Variants in MAP3K20 observed in about 807,000 individuals in gnomAD.
The protein encoded by MAP3K20 is mitogen-activated protein kinase kinase kinase 20, also known as HCCS-4.
A neutral mutation model predicts 85.7 loss-of-function variants in MAP3K20; 40 were observed. The ratio of observed to expected loss-of-function variants is 0.47; its 90% CI spans 0.36 to 0.61. MAP3K20 has a LOEUF of 0.61. Ranked by LOEUF, MAP3K20 falls within the 20% of genes least tolerant of loss-of-function variation. The pLI is 0.00. For synonymous variants in MAP3K20, 325 were observed against 327.7 expected (o/e 0.99, Z 0.09); for missense variants, 817 against 961.7 (o/e 0.85, Z 1.99).
intron 2 of MAP3K20, among the ~76,000 whole-genome samples, chr2:173,109,646 A>G (rs572178246): frequency 3.3e-5 from 5 of 152,190 alleles, no homozygotes; most frequent in Non-Finnish European, 7.3e-5. Context: ...AGAGGGAGAT[A>G]GATTCCCCAT....
chr2:173,243,995 AGAGT>A (rs1684859926), intron 16 of MAP3K20, among the ~76,000 whole-genome samples: 1 of 152,200 alleles, frequency 6.6e-6, no homozygotes, highest in Non-Finnish European at 1.5e-5. Context: ...CCGCCAGGCT[AGAGT>A]GAGAAAGATC....
At position 173,229,721 on chromosome 2, in the gene MAP3K20, G is replaced by A. The variant is rs201394695; in HGVS notation, c.1020G>A (p.Thr340=). Residue 340 remains threonine, a synonymous_variant, in exon 12 of 20, where the codon ACG becomes ACA. Coordinates refer to ENST00000375213, the MANE Select transcript of MAP3K20 (RefSeq NM_016653.3). ...CTTCCTTTGAGATTGGTGCATGGAC[G>A]GAAGACGATGTGGTAAGCTCTTTGT... ...LLPSFEIGAW[T]EDDVYCWVQQ... is the part of the protein sequence containing the mutation. The A allele has an allele frequency of 3.2e-5, 51 of 1,613,844 alleles. No homozygotes were observed. In the Middle Eastern group the frequency reaches 4.9e-4, roughly 16 times the overall value.
chr2:173,136,593 C>A (rs1391955827), intron 2 of MAP3K20, among the ~76,000 whole-genome samples: 1 of 152,100 alleles, frequency 6.6e-6, no homozygotes, highest in Non-Finnish European at 1.5e-5. Context: ...AAAGCAAGAT[C>A]TTTTTTCCCC....
intron 3 of MAP3K20, among the ~76,000 whole-genome samples, chr2:173,172,615 A>G (rs993154631): frequency 6.6e-6 from 1 of 152,020 alleles, no homozygotes; most frequent in Non-Finnish European, 1.5e-5. Context: ...AAACTTTTTT[A>G]TCACAGACAT....
intron 2 of MAP3K20, among the ~76,000 whole-genome samples, chr2:173,152,801 A>G (rs1311199053): frequency 6.6e-6 from 1 of 152,234 alleles, no homozygotes; most frequent in Non-Finnish European, 1.5e-5. Flanking sequence ...TAGAAGTAGA[A>G]TAGGCTATTT....
At chr2:173,205,216 A>T (rs1266634148) in intron 9 of MAP3K20, among the ~76,000 whole-genome samples, 1 of 151,788 alleles carries the variant, frequency 6.6e-6, no homozygotes, top group Non-Finnish European at 1.5e-5. Context: ...TATAGTTTAA[A>T]TTTGTCCAGT....
chr2:173,226,620 T>C, intron 11 of MAP3K20: 1 of 985,804 alleles, frequency 1.0e-6, no homozygotes, highest in Non-Finnish European at 1.2e-6. Flanking sequence ...GACTCCACCT[T>C]TGTTTGCACT....
At chr2:173,225,150 A>G in intron 11 of MAP3K20, 1 of 985,018 alleles carries the variant, frequency 1.0e-6, no homozygotes. Flanking sequence ...GTCATTCTCA[A>G]CTGGGGCGGT....
intron 2 of MAP3K20, among the ~76,000 whole-genome samples, chr2:173,138,246 G>T (rs984387097): frequency 6.6e-6 from 1 of 152,212 alleles, no homozygotes; most frequent in African/African-American, 2.4e-5. Context: ...TGGGATTATA[G>T]GCGTGAGCTA....
intron 9 of MAP3K20, among the ~76,000 whole-genome samples, chr2:173,206,156 A>G (rs1683681630): frequency 6.6e-6 from 1 of 152,210 alleles, no homozygotes; most frequent in South Asian, 2.1e-4. Context: ...AATTGTGATT[A>G]GATTTCAGTA....
intron 2 of MAP3K20, among the ~76,000 whole-genome samples, chr2:173,155,669 A>T (rs1011120558): frequency 6.4e-4 from 97 of 152,300 alleles, no homozygotes; most frequent in Non-Finnish European, 3.4e-4. Flanking sequence ...TAGAAAGGTA[A>T]TTATTGGATT....
Position 173,203,595 on chromosome 2 carries a change from T to G in MAP3K20, c.670-201T>G, listed in dbSNP as rs117207084. ...ACTTCTCCGTTCACTACAGTTCCCTTTCAAGAAAAAGTATGAGTCTTTAGA... is the reference window on the plus strand; with the variant it reads ...ACTTCTCCGTTCACTACAGTTCCCTGTCAAGAAAAAGTATGAGTCTTTAGA... On this transcript the variant is annotated intron_variant, in intron 8 of 19. Transcript: ENST00000375213. 3.4e-4 allele frequency among the ~76,000 whole-genome samples: 52 copies of G among 152,302 alleles called. No individual in the cohort carries two copies. In the East Asian group the frequency reaches 8.1e-3, roughly 24 times the overall value.
At chr2:173,099,323 GTGTTT>G (rs1184548677) in intron 2 of MAP3K20, among the ~76,000 whole-genome samples, 3 of 128,180 alleles carry the variant, frequency 2.3e-5, no homozygotes, top group Non-Finnish European at 3.2e-5. Flanking sequence ...TTTGTGTTTT[GTGTTT>G]TGTTTTGTTT....
intron 2 of MAP3K20, among the ~76,000 whole-genome samples, chr2:173,134,119 TA>T (rs973101312): frequency 9.2e-5 from 14 of 151,362 alleles, no homozygotes; most frequent in Admixed American, 8.6e-4. Flanking sequence ...CATCATCTGG[TA>T]ATCTGCATAT....
chr2:173,236,291 A>G (rs967768159), intron 14 of MAP3K20, among the ~76,000 whole-genome samples: 2 of 140,762 alleles, frequency 1.4e-5, no homozygotes, highest in East Asian at 2.2e-4. Context: ...AAAAAAAAAA[A>G]GGCAGGGACA....
At chr2:173,149,755 C>A (rs190505421) in intron 2 of MAP3K20, among the ~76,000 whole-genome samples, 2 of 152,090 alleles carry the variant, frequency 1.3e-5, no homozygotes, top group Non-Finnish European at 2.9e-5. Context: ...CACAGCCTTT[C>A]GAGGGTTGAG....
chr2:173,232,030 T>C (rs1684534381), intron 12 of MAP3K20, among the ~76,000 whole-genome samples, 162 bp from the exon 13 acceptor site: 1 of 152,234 alleles, frequency 6.6e-6, no homozygotes, highest in African/African-American at 2.4e-5. Context: ...ATTTGAAAGC[T>C]TGAGGTTTTA....
chr2:173,238,399 T>G lies in MAP3K20; in HGVS notation c.1230T>G (p.Asp410Glu), dbSNP rs748389410. ...FKSAIEKLTH[D>E]YINLFHFPPL... Reference sequence around the variant, plus strand: ...CAGCCATTGAGAAATTAACCCATGATTACATAAATTTGTTTCACTTCCCAC... The same window carrying G: ...CAGCCATTGAGAAATTAACCCATGAGTACATAAATTTGTTTCACTTCCCAC... The change falls in exon 15 of 20, where the codon GAT (aspartate) becomes GAG (glutamate). Residue 410 changes from aspartate to glutamate, a missense_variant. Physicochemically the swap from Asp to Glu is conservative, Grantham distance 45. Coordinates refer to ENST00000375213, the MANE Select transcript of MAP3K20 (RefSeq NM_016653.3). 1.9e-6 allele frequency: 3 copies of G among 1,612,986 alleles called. No individual in the cohort carries two copies. Among genetic ancestry groups the G allele is most frequent in the Non-Finnish European group, 1.7e-6 (2 of 1,179,596 alleles).
intron 17 of MAP3K20, among the ~76,000 whole-genome samples, chr2:173,260,046 AAAAC>A (rs1366771934): frequency 5.9e-5 from 9 of 152,304 alleles, no homozygotes. Flanking sequence ...ATCCTAATTT[AAAAC>A]AAACAAACGA....
Sources: gnomAD v4.1 joint callset for allele counts (sites outside exome capture counted in the v4.1 genomes callset) on GRCh38, gnomAD v4.1.1 for gene constraint, MANE v1.5 for transcripts, NCBI Gene and HGNC (gene_info 2026-07-23, HGNC 2026-07-21) for gene names.